ERBB4: variants seen among roughly 807,000 people sequenced by gnomAD.
ERBB4 encodes the protein receptor tyrosine-protein kinase erbB-4.
ERBB4 carries 42 observed loss-of-function variants against 158.0 expected under a neutral mutation model. That is an observed-to-expected ratio of 0.27 (90% CI 0.21 to 0.34). The LOEUF is 0.34. Ranked by LOEUF, ERBB4 falls within the 10% of genes least tolerant of loss-of-function variation. The probability of loss-of-function intolerance (pLI) is 1.00; values close to 1 mark genes in which losing one functional copy is unlikely to be tolerated. For missense variants in ERBB4, 1,333 were observed against 1,624.1 expected (o/e 0.82, Z 3.08); for synonymous variants, 583 against 558.7 (o/e 1.04, Z -0.61).
chr2:212,323,977 A>C (rs1459677707), intron 1 of ERBB4, among the ~76,000 whole-genome samples: 1 of 150,514 alleles, frequency 6.6e-6, no homozygotes, highest in Non-Finnish European at 1.5e-5. Flanking sequence ...CTCTGCCTTC[A>C]TCACTAAATC....
intron 19 of ERBB4, among the ~76,000 whole-genome samples, chr2:211,599,567 T>A (rs537350653): frequency 2.1e-5 from 1 of 48,722 alleles, no homozygotes; most frequent in East Asian, 5.7e-4. Flanking sequence ...CTCAGTGTGT[T>A]AACATTTAGA....
rs145665457 is a variant in ERBB4, at chr2:211,563,734, G to A, written c.2302-1646C>T. Among the ~76,000 whole-genome samples, 6 of 152,172 alleles carry A rather than the reference G, an allele frequency of 3.9e-5. No individual in the cohort carries two copies. The East Asian group carries it at 1.2e-3, about 29-fold the overall frequency. ...TTTATAGATGAACTATCTTGTGTCT[G>A]CCATTTACTTTCAAATAGTTTACTC... On this transcript the variant is annotated intron_variant, in intron 19 of 27. Coordinates refer to ENST00000342788, the MANE Select transcript of ERBB4 (RefSeq NM_005235.3).
chr2:212,023,981 G>A (rs931632485), intron 2 of ERBB4, among the ~76,000 whole-genome samples: 157 of 151,236 alleles, frequency 1.0e-3, no homozygotes, highest in African/African-American at 3.7e-3. Flanking sequence ...TCAAATAAAG[G>A]AGCTCACTCC....
At chr2:211,765,324 C>A (rs984087076) in intron 4 of ERBB4, among the ~76,000 whole-genome samples, 1 of 151,964 alleles carries the variant, frequency 6.6e-6, no homozygotes, top group African/African-American at 2.4e-5. Flanking sequence ...GAAATATGGT[C>A]AGATAAAAGA....
chr2:211,826,589 C>T (rs1217921961), intron 3 of ERBB4, among the ~76,000 whole-genome samples: 3 of 151,614 alleles, frequency 2.0e-5, no homozygotes, highest in Non-Finnish European at 4.4e-5. Flanking sequence ...CTCCTGGCTC[C>T]CAAGGACCTA....
chr2:211,567,659 G>A (rs2067590275), intron 19 of ERBB4, among the ~76,000 whole-genome samples: 1 of 152,012 alleles, frequency 6.6e-6, no homozygotes, highest in South Asian at 2.1e-4. Context: ...CAAAAAAGCT[G>A]GGTTTCTATT....
At chr2:211,899,109 C>T (rs769688814) in intron 3 of ERBB4, among the ~76,000 whole-genome samples, 2 of 152,060 alleles carry the variant, frequency 1.3e-5, no homozygotes, top group Non-Finnish European at 2.9e-5. Context: ...AAGACAAAAA[C>T]TCAGATGTTC....
At chr2:212,512,406 T>C (rs1219401158) in intron 1 of ERBB4, among the ~76,000 whole-genome samples, 1 of 151,964 alleles carries the variant, frequency 6.6e-6, no homozygotes, top group Non-Finnish European at 1.5e-5. Flanking sequence ...AGGTCTGTGT[T>C]GTCAGGAATG....
At chr2:212,532,962 T>A (rs908860857) in intron 1 of ERBB4, among the ~76,000 whole-genome samples, 13 of 152,230 alleles carry the variant, frequency 8.5e-5, no homozygotes, top group East Asian at 1.9e-4. Context: ...TGTATAAATA[T>A]AAAGCACTAG....
At chr2:212,174,225 A>G (rs2081597405) in intron 1 of ERBB4, among the ~76,000 whole-genome samples, 1 of 152,118 alleles carries the variant, frequency 6.6e-6, no homozygotes, top group Non-Finnish European at 1.5e-5. Context: ...CATACTCTCT[A>G]CATTTATGAT....
chr2:211,905,266 T>C (rs558208260), intron 3 of ERBB4, among the ~76,000 whole-genome samples: 1 of 152,070 alleles, frequency 6.6e-6, no homozygotes. Flanking sequence ...CTTCCTTCCA[T>C]CTCCAAAGCC....
chr2:211,523,470 GCTCT>G (rs547775834), intron 20 of ERBB4, among the ~76,000 whole-genome samples: 1 of 151,640 alleles, frequency 6.6e-6, no homozygotes, highest in African/African-American at 2.4e-5. Flanking sequence ...GAGTGTTACA[GCTCT>G]TAAGGTGGCA....
At chr2:212,197,404 G>T (rs936298576) in intron 1 of ERBB4, among the ~76,000 whole-genome samples, 8 of 152,012 alleles carry the variant, frequency 5.3e-5, no homozygotes, top group Non-Finnish European at 1.5e-5. Flanking sequence ...TAGAATTGTG[G>T]GTAAATGATT....
chr2:212,314,657 A>G (rs950138661), intron 1 of ERBB4, among the ~76,000 whole-genome samples: 4 of 151,076 alleles, frequency 2.6e-5, no homozygotes, highest in African/African-American at 9.7e-5. Flanking sequence ...ACTAATTAGC[A>G]CGTGAATTTA....
rs1332590830 is a variant in ERBB4 at position 211,870,841 on chromosome 2, G to T, written c.421+76589C>A. 2.0e-5 allele frequency among the ~76,000 whole-genome samples: 3 copies of T among 151,960 alleles called. No homozygotes were observed. In the East Asian group the frequency reaches 5.8e-4, roughly 29 times the overall value. ...TGGACTTGTGAAATAAAGACTTTTG[G>T]GTTTTGATCAAGAATGCCTGATTTC... On this transcript the variant is annotated intron_variant, in intron 3 of 27. Transcript: ENST00000342788.
At chr2:211,499,508 C>T (rs144292055) in intron 20 of ERBB4, among the ~76,000 whole-genome samples, 2,724 of 151,846 alleles carry the variant, frequency 0.018, 77 homozygotes, top group African/African-American at 0.062. Flanking sequence ...GGCAACAGAG[C>T]GAGACTCTGT....
rs1243082552 is a variant in ERBB4, at chr2:211,398,785, T to C, written c.3136-10793A>G. On this transcript the variant is annotated intron_variant, in intron 25 of 27. Coordinates refer to ENST00000342788, the MANE Select transcript of ERBB4 (RefSeq NM_005235.3). The stretch of plus-strand genomic sequence containing the variant: ...AGGGGAGGTTGCAGTAAGCCGAGAT[T>C]GCGCCACTGCACTCCAGCCTGGGCG... Among the ~76,000 whole-genome samples, 3 of 152,120 alleles carry C rather than the reference T, an allele frequency of 2.0e-5. No homozygotes were observed. The East Asian group carries it at 5.8e-4, about 29-fold the overall frequency.
At chr2:212,100,217 C>G (rs2079045331) in intron 2 of ERBB4, among the ~76,000 whole-genome samples, 1 of 152,212 alleles carries the variant, frequency 6.6e-6, no homozygotes, top group East Asian at 1.9e-4. Flanking sequence ...TGGACCTTAT[C>G]CTGGCCTCAA....
intron 15 of ERBB4, among the ~76,000 whole-genome samples, chr2:211,663,555 T>C (rs2071511471): frequency 6.6e-6 from 1 of 152,110 alleles, no homozygotes; most frequent in African/African-American, 2.4e-5. Context: ...CTAATCTCTT[T>C]TCATTGCCTC....
Sources: gnomAD v4.1 joint callset for allele counts (sites outside exome capture counted in the v4.1 genomes callset) on GRCh38, gnomAD v4.1.1 for gene constraint, MANE v1.5 for transcripts, NCBI Gene and HGNC (gene_info 2026-07-23, HGNC 2026-07-21) for gene names.